Variants in THSD7A observed in about 807,000 individuals in gnomAD.
THSD7A encodes thrombospondin type 1 domain containing 7A.
THSD7A carries 96 observed loss-of-function variants against 231.3 expected under a neutral mutation model. That is an observed-to-expected ratio of 0.41 (90% CI 0.35 to 0.49). THSD7A has a LOEUF of 0.49. Ranked by LOEUF, THSD7A falls within the 20% of genes least tolerant of loss-of-function variation. THSD7A has a pLI of 0.05. For missense variants in THSD7A, 2,290 were observed against 2,070.2 expected (o/e 1.11, Z -2.06); for synonymous variants, 940 against 743.3 (o/e 1.26, Z -4.30).
At chr7:11,830,996 G>C (rs537211846) in intron 1 of THSD7A, among the ~76,000 whole-genome samples, 2 of 152,124 alleles carry the variant, frequency 1.3e-5, no homozygotes, top group Non-Finnish European at 2.9e-5. Flanking sequence ...CGCAGAAAAG[G>C]GGTTGGTAAT....
intron 6 of THSD7A, among the ~76,000 whole-genome samples, chr7:11,485,005 C>T (rs1276653543): frequency 6.8e-6 from 1 of 147,810 alleles, no homozygotes; most frequent in Non-Finnish European, 1.5e-5. Context: ...ATTCTCCTGC[C>T]TCAGCCTCCC....
In THSD7A at chr7:11,472,440, C is replaced by T. The variant is rs1000887287; in HGVS notation, c.2252+1894G>A. Among the ~76,000 whole-genome samples the T allele has an allele frequency of 3.3e-5, 5 of 152,118 alleles. No homozygotes were observed. In the East Asian group the frequency reaches 7.7e-4, roughly 23 times the overall value. ...TATACCTAGTATTAGAAAGAATTCA[C>T]TGAATTTAACCTAGCATGTAGGGAG... is the stretch of plus-strand genomic sequence containing the variant. On this transcript the variant is annotated intron_variant, in intron 8 of 27. Coordinates refer to ENST00000423059, the MANE Select transcript of THSD7A (RefSeq NM_015204.3).
Position 11,446,669 on chromosome 7 carries a change from T to G in THSD7A, c.2801-345A>C. Among the ~76,000 whole-genome samples, 1 of 152,164 alleles carries G rather than the reference T, an allele frequency of 6.6e-6. No individual in the cohort carries two copies. The highest frequency in any genetic ancestry group is 1.9e-4 in the East Asian group (1 of 5,186). ...TACATAGGTGGTTCATTTTTTAACT[T>G]AAATTCTGAGTACTCTACTAGCACC... On this transcript the variant is annotated intron_variant, in intron 12 of 27. Transcript: ENST00000423059. The surrounding 1 kb of genome is among the most constrained non-coding windows in gnomAD (Gnocchi z 4.0).
chr7:11,528,550 C>T (rs757556887), intron 6 of THSD7A, among the ~76,000 whole-genome samples: 2 of 152,120 alleles, frequency 1.3e-5, no homozygotes, highest in Non-Finnish European at 2.9e-5. Context: ...AGGAGGCAAG[C>T]AGCACAATGT....
intron 4 of THSD7A, among the ~76,000 whole-genome samples, chr7:11,578,178 A>T (rs781429766): frequency 6.6e-6 from 1 of 152,206 alleles, no homozygotes; most frequent in African/African-American, 2.4e-5. Flanking sequence ...CTGTTATTTA[A>T]AAAATTCCCT....
At chr7:11,757,559 T>C (rs1307351372) in intron 1 of THSD7A, among the ~76,000 whole-genome samples, 3 of 152,038 alleles carry the variant, frequency 2.0e-5, no homozygotes, top group Non-Finnish European at 4.4e-5. Context: ...TTCTGGATAC[T>C]TACTCATTAT....
chr7:11,790,068 T>C (rs1369396417), intron 1 of THSD7A, among the ~76,000 whole-genome samples: 1 of 151,936 alleles, frequency 6.6e-6, no homozygotes, highest in Non-Finnish European at 1.5e-5. Context: ...TTAAATGTTG[T>C]GGAGATAAAA....
intron 4 of THSD7A, among the ~76,000 whole-genome samples, chr7:11,552,360 G>A (rs1266073131): frequency 6.6e-6 from 1 of 151,806 alleles, no homozygotes; most frequent in Non-Finnish European, 1.5e-5. Flanking sequence ...ATTTAAACAA[G>A]TAAAAAAAGG....
chr7:11,502,791 A>G (rs1223962920), intron 6 of THSD7A, among the ~76,000 whole-genome samples: 2 of 152,142 alleles, frequency 1.3e-5, no homozygotes, highest in Admixed American at 6.5e-5. Flanking sequence ...ACACTGCTCA[A>G]TGAAATCAGG....
At chr7:11,505,030 T>C (rs919878480) in intron 6 of THSD7A, among the ~76,000 whole-genome samples, 7 of 152,180 alleles carry the variant, frequency 4.6e-5, no homozygotes, top group Non-Finnish European at 8.8e-5. Context: ...TCAGAACTCC[T>C]GATTGTCAAA....
chr7:11,771,663 G>T (rs1175909448), intron 1 of THSD7A, among the ~76,000 whole-genome samples: 1 of 151,742 alleles, frequency 6.6e-6, no homozygotes, highest in Non-Finnish European at 1.5e-5. Flanking sequence ...TCATACATGT[G>T]GCCAAAAAGC....
chr7:11,547,924 A>G (rs1208525476), intron 4 of THSD7A, among the ~76,000 whole-genome samples: 1 of 152,174 alleles, frequency 6.6e-6, no homozygotes, highest in Non-Finnish European at 1.5e-5. Context: ...TTCTCAAATT[A>G]ACAACATGAA....
chr7:11,591,791 G>T (rs1194378676), intron 3 of THSD7A, among the ~76,000 whole-genome samples: 1 of 152,052 alleles, frequency 6.6e-6, no homozygotes, highest in Non-Finnish European at 1.5e-5. Context: ...GGATTGAAGG[G>T]GAAGGAAGCA....
chr7:11,391,775 G>T (rs966531121), intron 23 of THSD7A, among the ~76,000 whole-genome samples: 2 of 152,176 alleles, frequency 1.3e-5, no homozygotes, highest in Admixed American at 6.5e-5. Context: ...TGGTCTGCGG[G>T]TTGCAAAGAC....
intron 11 of THSD7A, among the ~76,000 whole-genome samples, chr7:11,456,660 T>A (rs1785317827): frequency 6.6e-6 from 1 of 152,016 alleles, no homozygotes. Flanking sequence ...ACATGGTAAT[T>A]ATTTTTGGCT....
chr7:11,418,310 G>C (rs938990554), intron 16 of THSD7A, among the ~76,000 whole-genome samples: 1 of 152,130 alleles, frequency 6.6e-6, no homozygotes, highest in African/African-American at 2.4e-5. Flanking sequence ...GTTAGTTTGT[G>C]TTCCATTTTA....
rs552018287 is a variant in THSD7A at position 11,636,563 on chromosome 7, C to T, written c.589G>A (p.Val197Met). ...TCGGACCAGGCAGAAAATTCAGACA[C>T]GATGCAATCTTGCTGGCAAGGAATG... ...CLIPCQQDCIVSEFSAWSECS... is the reference protein window; with the variant it reads ...CLIPCQQDCIMSEFSAWSECS... The change falls in exon 2 of 28, where the codon GTG (valine) becomes ATG (methionine). Residue 197 changes from valine (V) to methionine (M), a missense_variant. By Grantham distance (21) the Val-to-Met change is conservative. Transcript: ENST00000423059. This position sits in a 1 kb window ranked among gnomAD's most constrained non-coding sequence, Gnocchi z 10.0. 6.2e-7 allele frequency: 1 copy of T among 1,613,984 alleles called. No homozygotes were observed. Among genetic ancestry groups the T allele is most frequent in the African/African-American group, 1.3e-5 (1 of 75,044 alleles).
chr7:11,375,962 C>A, intron 27 of THSD7A, 84 bp from the exon 28 acceptor site: 1 of 1,315,568 alleles, frequency 7.6e-7, no homozygotes, highest in South Asian at 1.2e-5. Flanking sequence ...AAAGTAAAAG[C>A]AAATTGATAA....
chr7:11,616,572 C>T (rs1388108798), intron 2 of THSD7A, among the ~76,000 whole-genome samples: 1 of 152,138 alleles, frequency 6.6e-6, no homozygotes, highest in African/African-American at 2.4e-5. Flanking sequence ...AATCTGCTTC[C>T]TAGCAGCACT....
Sources: gnomAD v4.1 joint callset for allele counts (sites outside exome capture counted in the v4.1 genomes callset) on GRCh38, gnomAD v4.1.1 for gene constraint, Gnocchi (gnomAD v3.1) non-coding constraint, MANE v1.5 for transcripts, NCBI Gene and HGNC (gene_info 2026-07-23, HGNC 2026-07-21) for gene names.